TTC7B: variants seen among roughly 807,000 people sequenced by gnomAD.
TTC7B encodes tetratricopeptide repeat domain 7B, also known as tetratricopeptide repeat protein 7B.
TTC7B carries 28 observed loss-of-function variants against 106.8 expected under a neutral mutation model. The ratio of observed to expected loss-of-function variants is 0.26; its 90% CI spans 0.19 to 0.36. TTC7B has a LOEUF of 0.36. Among genes scored for constraint, TTC7B ranks in the 10% least tolerant of loss-of-function variants. The probability of loss-of-function intolerance (pLI) is 1.00; values close to 1 mark genes in which losing one functional copy is unlikely to be tolerated. For synonymous variants in TTC7B, 405 were observed against 430.6 expected (o/e 0.94, Z 0.74); for missense variants, 862 against 1,076.4 (o/e 0.80, Z 2.79).
intron 4 of TTC7B, among the ~76,000 whole-genome samples, chr14:90,737,632 CA>C (rs1311130717): frequency 4.8e-5 from 7 of 146,148 alleles, no homozygotes; most frequent in Non-Finnish European, 8.9e-5. Flanking sequence ...CAGCTCACTG[CA>C]ACCTCCACCT....
At chr14:90,815,765 C>T (rs2031134590) in intron 1 of TTC7B, among the ~76,000 whole-genome samples, 1 of 152,100 alleles carries the variant, frequency 6.6e-6, no homozygotes, top group South Asian at 2.1e-4. Context: ...ATTCCCTGAG[C>T]ACACCATACA....
chr14:90,676,956 C>G (rs183438220), intron 8 of TTC7B, among the ~76,000 whole-genome samples: 13 of 152,294 alleles, frequency 8.5e-5, no homozygotes, highest in Admixed American at 7.8e-4. Flanking sequence ...TTTTCCCTGG[C>G]CTCGGGTTCA....
At chr14:90,737,958 G>A (rs1439420600) in intron 4 of TTC7B, among the ~76,000 whole-genome samples, 1 of 152,164 alleles carries the variant, frequency 6.6e-6, no homozygotes, top group Admixed American at 6.5e-5. Context: ...ATAAAATGGG[G>A]ATTGACTGCT....
chr14:90,571,453 A>G (rs1463009308), intron 19 of TTC7B, among the ~76,000 whole-genome samples: 1 of 152,226 alleles, frequency 6.6e-6, no homozygotes, highest in Non-Finnish European at 1.5e-5. Flanking sequence ...TCCTCTCAAC[A>G]AGCACATGGA....
Position 90,610,778 on chromosome 14 carries a change from T to C in TTC7B, c.1930A>G (p.Thr644Ala). The stretch of plus-strand genomic sequence containing the variant: ...TCGCTGAAGTCTGGCAAAGTAATTG[T>C]ATTAAGCTGTCGTCTGTCAGCAATG... The part of the protein sequence containing the change: ...RTIADRRQLN[T>A]ITLPDFSDPE... Residue 644 changes from threonine (T) to alanine (A), a missense_variant, in exon 17 of 20, where the codon ACA becomes GCA. Coordinates refer to ENST00000328459, the MANE Select transcript of TTC7B (RefSeq NM_001010854.2). The C allele has an allele frequency of 6.2e-7, 1 of 1,614,092 alleles. No individual in the cohort carries two copies. Among genetic ancestry groups the C allele is most frequent in the Middle Eastern group, 1.6e-4 (1 of 6,062 alleles).
intron 17 of TTC7B, chr14:90,605,842 A>G (rs2068146763): frequency 2.9e-6 from 3 of 1,032,336 alleles, no homozygotes; most frequent in African/African-American, 1.7e-5. Flanking sequence ...CGCTTTTAAT[A>G]TACTCACATA....
At chr14:90,714,954 G>C (rs1031809603) in intron 5 of TTC7B, among the ~76,000 whole-genome samples, 4 of 151,660 alleles carry the variant, frequency 2.6e-5, no homozygotes, top group Non-Finnish European at 5.9e-5. Flanking sequence ...TTTTCACTCT[G>C]CTCTCAGCAG....
At chr14:90,660,412 A>G (rs868639788) in intron 9 of TTC7B, among the ~76,000 whole-genome samples, 101 of 134,686 alleles carry the variant, frequency 7.5e-4, no homozygotes, top group African/African-American at 2.3e-3. Flanking sequence ...AAAAAAAAAA[A>G]AAAAAAAAAG....
At chr14:90,595,880 G>A (rs1417797595) in intron 17 of TTC7B, among the ~76,000 whole-genome samples, 1 of 152,158 alleles carries the variant, frequency 6.6e-6, no homozygotes, top group East Asian at 1.9e-4. Context: ...AAATGTTAAC[G>A]AATATTTGGT....
chr14:90,704,612 C>T (rs534786209), intron 5 of TTC7B, among the ~76,000 whole-genome samples: 1 of 152,340 alleles, frequency 6.6e-6, no homozygotes, highest in Admixed American at 6.5e-5. Flanking sequence ...GCGGCACAGG[C>T]CAGCTGAAGT....
chr14:90,773,522 G>A (rs967115477), intron 3 of TTC7B, among the ~76,000 whole-genome samples: 1 of 152,134 alleles, frequency 6.6e-6, no homozygotes, highest in South Asian at 2.1e-4. Context: ...TAGGGTCCGG[G>A]ATTGTTCTCA....
Position 90,580,989 on chromosome 14 carries a change from G to A in TTC7B, c.2108-2681C>T, listed in dbSNP as rs555244940. Among the ~76,000 whole-genome samples the A allele has an allele frequency of 4.6e-5, 7 of 152,222 alleles. No individual in the cohort carries two copies. The South Asian group carries it at 1.2e-3, about 27-fold the overall frequency. The stretch of plus-strand genomic sequence containing the variant: ...AATCAGCCTGGCCGGTCCCTCCCTC[G>A]AACATCTCACTTTCCTGGTGATATT... On this transcript the variant is annotated intron_variant, in intron 18 of 19. Transcript: ENST00000328459.
intron 2 of TTC7B, among the ~76,000 whole-genome samples, chr14:90,783,157 C>G (rs935251681): frequency 1.3e-5 from 2 of 152,224 alleles, no homozygotes; most frequent in Non-Finnish European, 2.9e-5. Flanking sequence ...CAGGGGCCAC[C>G]TTGCTCACAA....
chr14:90,658,661 TAC>T lies in TTC7B; in HGVS notation c.1153-276_1153-275del, dbSNP rs1284721769. Among the ~76,000 whole-genome samples the T allele has an allele frequency of 3.9e-5, 6 of 152,018 alleles. No individual in the cohort carries two copies. The East Asian group carries it at 1.2e-3, about 29-fold the overall frequency. On this transcript the variant is annotated intron_variant, in intron 9 of 19. Coordinates refer to ENST00000328459, the MANE Select transcript of TTC7B (RefSeq NM_001010854.2). ...TATCTGGCACAGGAAAAGAGGCAAA[TAC>T]ACCAACAACACAAAGACAAAGACAA...
chr14:90,584,755 A>G (rs1416909072), intron 18 of TTC7B, among the ~76,000 whole-genome samples: 2 of 151,736 alleles, frequency 1.3e-5, no homozygotes, highest in African/African-American at 4.8e-5. Flanking sequence ...ACCCCTCCAA[A>G]CCATGTCCTT....
chr14:90,579,564 G>A lies in TTC7B; in HGVS notation c.2108-1256C>T, dbSNP rs542584202. ...TGTAATCCTAGTACTTTGGGAGGCC[G>A]AGGCGGGCGGATAGCTTGAGGTCAG... is the stretch of plus-strand genomic sequence containing the variant. On this transcript the variant is annotated intron_variant, in intron 18 of 19. Transcript: ENST00000328459. Among the ~76,000 whole-genome samples the A allele has an allele frequency of 7.2e-4, 109 of 152,332 alleles. 3 individuals are homozygous for A. In the South Asian group the frequency reaches 0.016, roughly 23 times the overall value.
At chr14:90,725,645 C>T (rs1889070927) in intron 5 of TTC7B, among the ~76,000 whole-genome samples, 1 of 152,196 alleles carries the variant, frequency 6.6e-6, no homozygotes, top group Non-Finnish European at 1.5e-5. Context: ...TGAACCATCC[C>T]TGCCTGACTT....
At chr14:90,637,350 T>C in intron 15 of TTC7B, among the ~76,000 whole-genome samples, 1 of 151,766 alleles carries the variant, frequency 6.6e-6, no homozygotes. Context: ...ATAGAAGACC[T>C]GAATAGACTA....
At chr14:90,623,730 A>G (rs1211989093) in intron 15 of TTC7B, among the ~76,000 whole-genome samples, 3 of 152,188 alleles carry the variant, frequency 2.0e-5, no homozygotes, top group Non-Finnish European at 4.4e-5. Flanking sequence ...TTAAAGAACA[A>G]TCACATTTGG....
Sources: allele counts gnomAD v4.1 joint callset (sites outside exome capture counted in the v4.1 genomes callset), GRCh38; gene constraint gnomAD v4.1.1; transcripts MANE v1.5; gene names NCBI Gene and HGNC (gene_info 2026-07-23, HGNC 2026-07-21).